ENOX1: variants seen among roughly 807,000 people sequenced by gnomAD.
ENOX1 encodes the protein candidate growth-related and time keeping constitutive hydroquinone (NADH) oxidase.
A neutral mutation model predicts 82.5 loss-of-function variants in ENOX1; 42 were observed. The ratio of observed to expected loss-of-function variants is 0.51; its 90% confidence interval spans 0.40 to 0.66. ENOX1 has a LOEUF of 0.66. Among genes scored for constraint, ENOX1 ranks in the 30% least tolerant of loss-of-function variants. The pLI is 0.00. For synonymous variants in ENOX1, 271 were observed against 282.2 expected (o/e 0.96, Z 0.40); for missense variants, 608 against 811.6 (o/e 0.75, Z 3.05).
At chr13:43,727,951 AGTTAACAAAAGC>A (rs1348183061) in intron 1 of ENOX1, among the ~76,000 whole-genome samples, 1 of 152,238 alleles carries the variant, frequency 6.6e-6, no homozygotes, top group Admixed American at 6.5e-5. Flanking sequence ...AATTATTTTA[AGTTAACAAAAGC>A]TTCCCCAACG....
intron 1 of ENOX1, among the ~76,000 whole-genome samples, chr13:43,718,206 A>G (rs2153816845): frequency 1.2e-5 from 1 of 85,988 alleles, no homozygotes; most frequent in South Asian, 6.9e-4. Flanking sequence ...CAGCCATACA[A>G]AAGTGAAATA....
chr13:43,523,902 C>T (rs1449631148), intron 2 of ENOX1, among the ~76,000 whole-genome samples: 1 of 152,126 alleles, frequency 6.6e-6, no homozygotes, highest in Non-Finnish European at 1.5e-5. Flanking sequence ...ACATCTTAAG[C>T]AGCATGGCAC....
chr13:43,507,974 G>T (rs1455107159), intron 2 of ENOX1, among the ~76,000 whole-genome samples: 1 of 151,574 alleles, frequency 6.6e-6, no homozygotes, highest in East Asian at 1.9e-4. Flanking sequence ...ATTACAACTA[G>T]AGTTGTAATA....
At position 43,615,896 on chromosome 13, in the gene ENOX1, T is replaced by A. The variant is rs185684044; in HGVS notation, c.-219+51583A>T. ...CTGAGAATGATGGTTTCCAGCTACATCCATGTCCCTGCAAAGTACATGAAC... is the reference window on the plus strand; with the variant it reads ...CTGAGAATGATGGTTTCCAGCTACAACCATGTCCCTGCAAAGTACATGAAC... On this transcript the variant is annotated intron_variant, in intron 2 of 16. Transcript: ENST00000690772. Among the ~76,000 whole-genome samples, 9 of 151,806 alleles carry A rather than the reference T, an allele frequency of 5.9e-5. No individual in the cohort carries two copies. The East Asian group carries it at 1.8e-3, about 30-fold the overall frequency.
chr13:43,213,918 C>T lies in ENOX1; in HGVS notation c.*72G>A. The stretch of plus-strand genomic sequence containing the variant: ...TGCGTGCTGGACCAACCCCACACCT[C>T]CTGCTTCCCCGTCGCACCGCCCTGG... On this transcript the variant is annotated 3_prime_UTR_variant, in exon 17 of 17. Coordinates refer to ENST00000690772, the MANE Select transcript of ENOX1 (RefSeq NM_001347969.2). The T allele has an allele frequency of 1.3e-6, 2 of 1,550,476 alleles. No homozygotes were observed. Among genetic ancestry groups the T allele is most frequent in the South Asian group, 1.2e-5 (1 of 81,720 alleles).
intron 2 of ENOX1, among the ~76,000 whole-genome samples, chr13:43,591,802 T>C (rs1043606445): frequency 1.3e-5 from 2 of 152,128 alleles, no homozygotes; most frequent in African/African-American, 2.4e-5. Flanking sequence ...ACAGCTCCCA[T>C]CCACGAATAC....
At chr13:43,594,985 T>C (rs2081398736) in intron 2 of ENOX1, among the ~76,000 whole-genome samples, 1 of 151,718 alleles carries the variant, frequency 6.6e-6, no homozygotes, top group Admixed American at 6.6e-5. Context: ...AAGAAGGTTG[T>C]CAGAAGTGAA....
chr13:43,334,499 G>A (rs544766311), intron 9 of ENOX1, among the ~76,000 whole-genome samples: 3 of 152,286 alleles, frequency 2.0e-5, no homozygotes, highest in Admixed American at 2.0e-4. Context: ...ACATATATAT[G>A]ATTGAATCGC....
chr13:43,786,913 G>A lies in ENOX1; in HGVS notation c.-546C>T, dbSNP rs930941783. On this transcript the variant is annotated 5_prime_UTR_variant, in exon 1 of 17. Transcript: ENST00000690772. This position sits in a 1 kb window ranked among gnomAD's most constrained non-coding sequence, Gnocchi z 6.0. ...CCCGGGAGAGCGGGGATCTGCTGAG[G>A]GGCGCTGGAGACTCCGCGGCTGGAG... The A allele has an allele frequency of 3.3e-5, 5 of 151,720 alleles. No individual in the cohort carries two copies. Among genetic ancestry groups the A allele is most frequent in the East Asian group, 2.0e-4 (1 of 5,024 alleles). The allele number at this position is 151,720 out of a possible 1,614,324, so 9.4% of individuals were successfully genotyped here.
chr13:43,499,773 A>G (rs1052738850), intron 2 of ENOX1, among the ~76,000 whole-genome samples: 2 of 152,120 alleles, frequency 1.3e-5, no homozygotes, highest in African/African-American at 4.8e-5. Context: ...AGAAATGGAG[A>G]CCTATAACTG....
At chr13:43,677,786 C>T (rs2085584054) in intron 1 of ENOX1, among the ~76,000 whole-genome samples, 1 of 152,162 alleles carries the variant, frequency 6.6e-6, no homozygotes, top group Non-Finnish European at 1.5e-5. Flanking sequence ...CACAATGCTA[C>T]ACAAGTGAAA....
chr13:43,565,439 G>A (rs957102828), intron 2 of ENOX1, among the ~76,000 whole-genome samples: 1 of 152,110 alleles, frequency 6.6e-6, no homozygotes, highest in South Asian at 2.1e-4. Context: ...AATGCATGGT[G>A]TTGAGCTCCT....
intron 1 of ENOX1, among the ~76,000 whole-genome samples, chr13:43,736,472 T>A (rs2089636465): frequency 6.6e-6 from 1 of 151,040 alleles, no homozygotes; most frequent in African/African-American, 2.5e-5. Context: ...AAGTGTTCCA[T>A]TCCAGTGTGG....
In ENOX1 at chr13:43,759,241, C is replaced by T. The variant is rs144749228; in HGVS notation, c.-285+27411G>A. Among the ~76,000 whole-genome samples, 21 of 151,522 alleles carry T rather than the reference C, an allele frequency of 1.4e-4. No homozygotes were observed. The East Asian group carries it at 3.5e-3, about 25-fold the overall frequency. ...CCTCCTAAATAGCTGGGATTACAGG[C>T]GCCTGCCACCACGCCCGGCTAATTT... On this transcript the variant is annotated intron_variant, in intron 1 of 16. Coordinates refer to ENST00000690772, the MANE Select transcript of ENOX1 (RefSeq NM_001347969.2).
chr13:43,373,360 C>T (rs1451318786), intron 5 of ENOX1, among the ~76,000 whole-genome samples: 1 of 152,084 alleles, frequency 6.6e-6, no homozygotes, highest in Non-Finnish European at 1.5e-5. Context: ...TCCCCCAGGA[C>T]CTAAGATATT....
chr13:43,714,172 C>G (rs1430211939), intron 1 of ENOX1, among the ~76,000 whole-genome samples: 2 of 151,886 alleles, frequency 1.3e-5, no homozygotes, highest in Non-Finnish European at 2.9e-5. Context: ...TCGTTATATA[C>G]CCAGTAGTCA....
chr13:43,227,773 T>G (rs2042092795), intron 15 of ENOX1, among the ~76,000 whole-genome samples: 1 of 152,174 alleles, frequency 6.6e-6, no homozygotes, highest in South Asian at 2.1e-4. Flanking sequence ...TAGCTTTTCC[T>G]TATAAGAGTT....
At chr13:43,484,946 C>T (rs1188890731) in intron 2 of ENOX1, among the ~76,000 whole-genome samples, 5 of 152,132 alleles carry the variant, frequency 3.3e-5, no homozygotes, top group East Asian at 1.9e-4. Context: ...TTACATGCAG[C>T]GCTACATCAA....
chr13:43,340,803 C>A (rs183523923), intron 9 of ENOX1, among the ~76,000 whole-genome samples: 1 of 152,340 alleles, frequency 6.6e-6, no homozygotes, highest in African/African-American at 2.4e-5. Flanking sequence ...TTCCCTCCTG[C>A]CTGTCTTCTG....
Sources: gnomAD v4.1 joint callset for allele counts (sites outside exome capture counted in the v4.1 genomes callset) on GRCh38, gnomAD v4.1.1 for gene constraint, Gnocchi (gnomAD v3.1) non-coding constraint, MANE v1.5 for transcripts, NCBI Gene and HGNC (gene_info 2026-07-23, HGNC 2026-07-21) for gene names.